CATSPERE: variants seen among roughly 807,000 people sequenced by gnomAD.
CATSPERE encodes the protein catsper channel auxiliary subunit epsilon, also known as cation channel sperm-associated auxiliary subunit epsilon.
In CATSPERE, 93 loss-of-function variants were observed where a neutral mutation model predicts 114.1. The ratio of observed to expected loss-of-function variants is 0.81; its 90% CI spans 0.69 to 0.97. The LOEUF (loss-of-function observed/expected upper bound fraction) is 0.97. Among genes scored for constraint, CATSPERE ranks in the 50% least tolerant of loss-of-function variants. The pLI is 0.00. For synonymous variants in CATSPERE, 341 were observed against 384.1 expected, an observed-to-expected ratio of 0.89 and a Z score of 1.31; for missense variants, 1,058 against 1,131.6, an observed-to-expected ratio of 0.93 and a Z score of 0.93.
chr1:244,572,978 A>T (rs1222343468), intron 11 of CATSPERE, among the ~76,000 whole-genome samples: 1 of 151,908 alleles, frequency 6.6e-6, no homozygotes. Flanking sequence ...TTGCCACCTA[A>T]TAACACATTC....
intron 9 of CATSPERE, among the ~76,000 whole-genome samples, chr1:244,559,366 G>T (rs4130694): frequency 0.14 from 21,328 of 152,118 alleles, 2,740 homozygotes; most frequent in African/African-American, 0.34. Context: ...GATATCTGCC[G>T]ACCTCCTGTT....
chr1:244,556,875 TACAA>T (rs1661661900), intron 9 of CATSPERE, among the ~76,000 whole-genome samples: 1 of 152,132 alleles, frequency 6.6e-6, no homozygotes, highest in Non-Finnish European at 1.5e-5. Context: ...CAACAAGCTA[TACAA>T]AAGAGAAAGT....
rs201572414 is a variant in CATSPERE at position 244,583,877 on chromosome 1, G to A, written c.2023G>A (p.Gly675Ser). The A allele has an allele frequency of 6.2e-7, 1 of 1,613,810 alleles. No individual in the cohort carries two copies. Among genetic ancestry groups the A allele is most frequent in the African/African-American group, 1.3e-5 (1 of 75,000 alleles). ...DYFETQDKHT[G>S]LVLVQFRPSE... Reference sequence around the variant, plus strand: ...TGTTTCTCCTAGAGACAAGCACACGGGTCTTGTGCTGGTTCAGTTTCGACC... The same window carrying A: ...TGTTTCTCCTAGAGACAAGCACACGAGTCTTGTGCTGGTTCAGTTTCGACC... Residue 675 changes from glycine (G) to serine (S), a missense_variant, in exon 13 of 22, where the codon GGT (glycine) becomes AGT (serine). Coordinates refer to ENST00000366534, the MANE Select transcript of CATSPERE (RefSeq NM_001130957.2).
At chr1:244,593,678 T>C (rs1190207570) in intron 17 of CATSPERE, 100 bp downstream of exon 17, 1 of 932,494 alleles carries the variant, frequency 1.1e-6, no homozygotes, top group African/African-American at 1.7e-5. Context: ...ACACGTATTT[T>C]AGACTCTACT....
chr1:244,542,082 C>A (rs1243703059), intron 8 of CATSPERE, among the ~76,000 whole-genome samples: 2 of 149,320 alleles, frequency 1.3e-5, no homozygotes, highest in African/African-American at 4.9e-5. Context: ...GGGTGCAGCG[C>A]ACCAGCATGG....
At chr1:244,624,950 T>G (rs58295076) in intron 20 of CATSPERE, among the ~76,000 whole-genome samples, 1 of 152,196 alleles carries the variant, frequency 6.6e-6, no homozygotes, top group African/African-American at 2.4e-5. Context: ...TTCTGCCACA[T>G]GTGCAGTGAT....
At chr1:244,596,290 G>T (rs1033317810) in intron 17 of CATSPERE, among the ~76,000 whole-genome samples, 3 of 152,134 alleles carry the variant, frequency 2.0e-5, no homozygotes, top group African/African-American at 7.2e-5. Flanking sequence ...CCCTTATTTA[G>T]CATATATTTA....
chr1:244,588,661 G>C (rs1667337932), intron 14 of CATSPERE, 127 bp downstream of exon 14: 1 of 729,050 alleles, frequency 1.4e-6, no homozygotes, highest in African/African-American at 1.7e-5. Context: ...AAACTGAATT[G>C]ACGTTCATGC....
In CATSPERE at chr1:244,608,391, C is replaced by T. The variant is rs115921170; in HGVS notation, c.2404-1849C>T. Among the ~76,000 whole-genome samples, 792 of 151,938 alleles carry T rather than the reference C, an allele frequency of 5.2e-3. 11 individuals are homozygous for T. Among genetic ancestry groups the T allele is most frequent in the African/African-American group, 0.019 (772 of 41,428 alleles). ...CCACACACAAAAATTTTTCAATTAG[C>T]CAGGTGTGGTGATGCACACCTGTAG... On this transcript the variant is annotated intron_variant, in intron 18 of 21. Coordinates refer to ENST00000366534, the MANE Select transcript of CATSPERE (RefSeq NM_001130957.2).
intron 20 of CATSPERE, 145 bp downstream of exon 20, chr1:244,617,831 C>G: frequency 3.0e-6 from 2 of 667,192 alleles, no homozygotes; most frequent in Non-Finnish European, 4.7e-6. Context: ...TCACATGAAA[C>G]ATTCTATGTG....
intron 7 of CATSPERE, among the ~76,000 whole-genome samples, chr1:244,502,296 T>G (rs1188260257): frequency 2.0e-5 from 3 of 152,240 alleles, no homozygotes; most frequent in East Asian, 1.9e-4. Context: ...TTAAGCTTCC[T>G]GTATCCTTAC....
chr1:244,526,718 A>G (rs1433503726), intron 8 of CATSPERE, among the ~76,000 whole-genome samples: 2 of 150,338 alleles, frequency 1.3e-5, no homozygotes, highest in Non-Finnish European at 3.0e-5. Flanking sequence ...GCATGACCAC[A>G]GCTCACCACA....
chr1:244,568,292 G>C lies in CATSPERE; in HGVS notation c.1508-4038G>C, dbSNP rs1011421462. On this transcript the variant is annotated intron_variant, in intron 10 of 21. Transcript: ENST00000366534. The surrounding 1 kb of genome is among the most constrained non-coding windows in gnomAD (Gnocchi z 4.4). ...AGGTGTCTGTCAACCCCTGCTAGGA[G>C]GTGTCTTCCAGTCAGGAGACACAGG... Among the ~76,000 whole-genome samples, 1 of 152,198 alleles carries C rather than the reference G, an allele frequency of 6.6e-6. No individual in the cohort carries two copies. Among genetic ancestry groups the C allele is most frequent in the Non-Finnish European group, 1.5e-5 (1 of 68,034 alleles).
At chr1:244,479,839 A>C (rs1038752760) in intron 5 of CATSPERE, 55 bp downstream of exon 5, 71 of 947,484 alleles carry the variant, frequency 7.5e-5, no homozygotes, top group Non-Finnish European at 1.1e-4. Flanking sequence ...ATTTAGCTTC[A>C]ACTTTTAATT....
chr1:244,569,702 C>G (rs904774207), intron 10 of CATSPERE, among the ~76,000 whole-genome samples: 1 of 152,158 alleles, frequency 6.6e-6, no homozygotes, highest in South Asian at 2.1e-4. Flanking sequence ...AGTTAGGAAT[C>G]TAATGGTATT....
intron 20 of CATSPERE, among the ~76,000 whole-genome samples, chr1:244,620,574 C>T (rs1235765570): frequency 6.6e-6 from 1 of 152,104 alleles, no homozygotes; most frequent in Non-Finnish European, 1.5e-5. Flanking sequence ...AGTGAAAGAA[C>T]ATCATTTTAT....
chr1:244,451,853 C>A, upstream of CATSPERE: 2 of 1,521,460 alleles, frequency 1.3e-6, no homozygotes, highest in African/African-American at 1.4e-5. The surrounding 1 kb of genome is among the most constrained non-coding windows in gnomAD (Gnocchi z 6.6). Context: ...GAAGGAGAGG[C>A]GGCCGGCGAG....
At chr1:244,577,657 A>G (rs1000474231) in intron 11 of CATSPERE, among the ~76,000 whole-genome samples, 1 of 152,184 alleles carries the variant, frequency 6.6e-6, no homozygotes, top group Non-Finnish European at 1.5e-5. Context: ...TAAGAGCACT[A>G]ATCCCATTCA....
chr1:244,566,878 T>C (rs2148556060), intron 10 of CATSPERE, among the ~76,000 whole-genome samples: 1 of 152,138 alleles, frequency 6.6e-6, no homozygotes, highest in Middle Eastern at 3.4e-3. Flanking sequence ...GTGAATTTGA[T>C]CTTTTCATTA....
Sources: allele counts gnomAD v4.1 joint callset (sites outside exome capture counted in the v4.1 genomes callset), GRCh38; gene constraint gnomAD v4.1.1; non-coding constraint Gnocchi (gnomAD v3.1); transcripts MANE v1.5; gene names NCBI Gene and HGNC (gene_info 2026-07-23, HGNC 2026-07-21).